Variants in PLXDC2 observed in about 807,000 individuals in gnomAD.
The protein encoded by PLXDC2 is plexin domain containing 2, also known as plexin domain-containing protein 2.
A neutral mutation model predicts 68.9 loss-of-function variants in PLXDC2; 40 were observed. The ratio of observed to expected loss-of-function variants is 0.58; its 90% CI spans 0.45 to 0.76. PLXDC2 has a LOEUF of 0.76. Ranked by LOEUF, PLXDC2 falls within the 30% of genes least tolerant of loss-of-function variation. The pLI, the probability that PLXDC2 is intolerant of heterozygous loss-of-function variation, is 0.00. For missense variants in PLXDC2, 644 were observed against 661.9 expected, an observed-to-expected ratio of 0.97 and a Z score of 0.30; for synonymous variants, 243 against 234.2, an observed-to-expected ratio of 1.04 and a Z score of -0.34.
At chr10:20,246,563 T>A (rs1019573885) in intron 13 of PLXDC2, among the ~76,000 whole-genome samples, 4 of 152,212 alleles carry the variant, frequency 2.6e-5, no homozygotes, top group African/African-American at 9.6e-5. Flanking sequence ...TTGGCCAGAC[T>A]GGTCTCAAAC....
At chr10:19,859,890 C>T (rs1022927889) in intron 1 of PLXDC2, among the ~76,000 whole-genome samples, 4 of 152,052 alleles carry the variant, frequency 2.6e-5, no homozygotes, top group Non-Finnish European at 4.4e-5. Context: ...CTCCACCGTG[C>T]CCAGCTAATT....
chr10:19,912,106 A>G (rs2131374726), intron 1 of PLXDC2, among the ~76,000 whole-genome samples: 1 of 152,324 alleles, frequency 6.6e-6, no homozygotes, highest in South Asian at 2.1e-4. Context: ...ACTTTGGACG[A>G]ACAGCCCTGA....
chr10:20,185,896 C>T (rs1451717367), intron 9 of PLXDC2, among the ~76,000 whole-genome samples: 1 of 151,866 alleles, frequency 6.6e-6, no homozygotes, highest in Non-Finnish European at 1.5e-5. Flanking sequence ...TGCCAAAGCA[C>T]CTAATTTCAG....
At chr10:19,922,832 C>G (rs1833482423) in intron 1 of PLXDC2, among the ~76,000 whole-genome samples, 1 of 152,196 alleles carries the variant, frequency 6.6e-6, no homozygotes, top group Non-Finnish European at 1.5e-5. Flanking sequence ...AAAGCTCAGA[C>G]ACTGACTCAT....
chr10:20,266,057 C>T (rs2119372785), intron 13 of PLXDC2, among the ~76,000 whole-genome samples: 1 of 152,182 alleles, frequency 6.6e-6, no homozygotes, highest in South Asian at 2.1e-4. Flanking sequence ...CTTTATTATA[C>T]CATTGAGAAA....
intron 2 of PLXDC2, among the ~76,000 whole-genome samples, chr10:20,011,009 A>C (rs1164682794): frequency 6.6e-6 from 1 of 152,200 alleles, no homozygotes; most frequent in Non-Finnish European, 1.5e-5. Context: ...ACTAATTTCC[A>C]AGAGGACATA....
At chr10:19,910,171 TATATA>T (rs1833240876) in intron 1 of PLXDC2, among the ~76,000 whole-genome samples, 29 of 14,568 alleles carry the variant, frequency 2.0e-3, no homozygotes, top group Admixed American at 6.8e-3. Flanking sequence ...TACACTTTTA[TATATA>T]TATATATATA....
chr10:20,222,844 A>C (rs1343298384), intron 12 of PLXDC2, among the ~76,000 whole-genome samples: 1 of 152,176 alleles, frequency 6.6e-6, no homozygotes, highest in Non-Finnish European at 1.5e-5. Context: ...AAATAAAAAA[A>C]TTAAAAAGAA....
At chr10:19,900,602 T>C (rs1838142234) in intron 1 of PLXDC2, among the ~76,000 whole-genome samples, 2 of 152,038 alleles carry the variant, frequency 1.3e-5, no homozygotes, top group Non-Finnish European at 1.5e-5. Flanking sequence ...GTTTCTTTTT[T>C]ATTTATTTAT....
chr10:19,980,229 G>T (rs538595198), intron 1 of PLXDC2, among the ~76,000 whole-genome samples: 1 of 152,312 alleles, frequency 6.6e-6, no homozygotes, highest in Non-Finnish European at 1.5e-5. Flanking sequence ...GATCTTTGTA[G>T]TGGGTATATC....
At chr10:20,042,557 C>T (rs917477244) in intron 2 of PLXDC2, among the ~76,000 whole-genome samples, 1 of 150,290 alleles carries the variant, frequency 6.7e-6, no homozygotes, top group Admixed American at 6.7e-5. Flanking sequence ...ATGACTACTA[C>T]ACTGATAGTC....
At chr10:19,951,211 C>T (rs995598234) in intron 1 of PLXDC2, among the ~76,000 whole-genome samples, 7 of 152,098 alleles carry the variant, frequency 4.6e-5, no homozygotes, top group Non-Finnish European at 8.8e-5. Context: ...AGACAACCTA[C>T]AAAATTGGAG....
chr10:20,106,109 A>G (rs537918625), intron 4 of PLXDC2, among the ~76,000 whole-genome samples: 2 of 152,350 alleles, frequency 1.3e-5, no homozygotes, highest in Admixed American at 6.5e-5. Flanking sequence ...TTGGATGATC[A>G]TGGCCTTGTT....
intron 1 of PLXDC2, among the ~76,000 whole-genome samples, chr10:19,873,739 C>T (rs1034792821): frequency 4.6e-5 from 7 of 152,110 alleles, no homozygotes; most frequent in Admixed American, 1.3e-4. Flanking sequence ...AGAAAATGTA[C>T]ATGATAAGAA....
intron 1 of PLXDC2, among the ~76,000 whole-genome samples, chr10:19,930,297 T>C (rs932600837): frequency 6.6e-6 from 1 of 152,182 alleles, no homozygotes; most frequent in African/African-American, 2.4e-5. Flanking sequence ...TTTATTGATT[T>C]ATAGAAGGAT....
chr10:19,861,914 A>G (rs1366982787), intron 1 of PLXDC2, among the ~76,000 whole-genome samples: 1 of 152,150 alleles, frequency 6.6e-6, no homozygotes, highest in Non-Finnish European at 1.5e-5. Flanking sequence ...AGAAGGTGTT[A>G]TTTGTGGGCT....
rs117250406 is a variant in PLXDC2 at position 20,111,700 on chromosome 10, C to T, written c.542-31595C>T. Among the ~76,000 whole-genome samples, 3 of 152,254 alleles carry T rather than the reference C, an allele frequency of 2.0e-5. No individual in the cohort carries two copies. The East Asian group carries it at 5.8e-4, about 29-fold the overall frequency. On this transcript the variant is annotated intron_variant, in intron 4 of 13. Transcript: ENST00000377252. ...ATTTTGTAAACTTTGCATGAAATCC[C>T]AAGATGCGAGTCTCACGGTTACTCC...
At chr10:19,839,072 G>A (rs941788750) in intron 1 of PLXDC2, among the ~76,000 whole-genome samples, 2 of 151,888 alleles carry the variant, frequency 1.3e-5, no homozygotes, top group African/African-American at 2.4e-5. Context: ...TGTAATGCCA[G>A]CTACTCAGGA....
At chr10:19,926,516 TG>T (rs1371542160) in intron 1 of PLXDC2, among the ~76,000 whole-genome samples, 1 of 152,114 alleles carries the variant, frequency 6.6e-6, no homozygotes, top group African/African-American at 2.4e-5. Flanking sequence ...GCCTGAGAAA[TG>T]TAATAGCCAG....
Sources: allele counts gnomAD v4.1 joint callset (sites outside exome capture counted in the v4.1 genomes callset), GRCh38; gene constraint gnomAD v4.1.1; transcripts MANE v1.5; gene names NCBI Gene and HGNC (gene_info 2026-07-23, HGNC 2026-07-21).